LMTK2: variants seen among roughly 807,000 people sequenced by gnomAD.
LMTK2 encodes the protein serine/threonine-protein kinase LMTK2.
Under a neutral mutation model 127.5 loss-of-function variants are expected in LMTK2, and 37 were observed. That is an observed-to-expected ratio of 0.29 (90% CI 0.22 to 0.38). The LOEUF (loss-of-function observed/expected upper bound fraction) is 0.38, where lower values mean the gene tolerates loss of function less well. Ranked by LOEUF, LMTK2 falls within the 10% of genes least tolerant of loss-of-function variation. The probability of loss-of-function intolerance (pLI) is 1.00; values close to 1 mark genes in which losing one functional copy is unlikely to be tolerated. For synonymous variants in LMTK2, 819 were observed against 810.1 expected (o/e 1.01, Z -0.19); for missense variants, 1,694 against 1,920.3 (o/e 0.88, Z 2.20).
intron 9 of LMTK2, 70 bp from the exon 10 acceptor site, chr7:98,190,658 T>A: frequency 7.1e-7 from 1 of 1,408,460 alleles, no homozygotes; most frequent in South Asian, 1.2e-5. Context: ...ACTGGCTATG[T>A]AACAAGTATG....
intron 11 of LMTK2, among the ~76,000 whole-genome samples, chr7:98,196,727 C>T (rs1190786010): frequency 1.3e-5 from 2 of 152,112 alleles, no homozygotes; most frequent in East Asian, 3.9e-4. Context: ...GACAGAATTG[C>T]AAAAGATGAA....
Position 98,203,612 on chromosome 7 carries a change from G to C in LMTK2, c.4146G>C (p.Glu1382Asp). 1 of 1,609,158 alleles carries C rather than the reference G, an allele frequency of 6.2e-7. No homozygotes were observed. The highest frequency in any genetic ancestry group is 1.3e-5 in the African/African-American group (1 of 74,556). ...AAGAGCTGGGGCCCTGTGGAGGAGA[G>C]GCGTGCGGCCCGGACCTGAGCGGCC... ...PTKELGPCGG[E>D]ACGPDLSGPA... Residue 1382 changes from glutamate (E) to aspartate (D), a missense_variant, in exon 12 of 14, where the codon GAG becomes GAC. Glu to Asp is a conservative substitution (Grantham distance 45). Coordinates refer to ENST00000297293, the MANE Select transcript of LMTK2 (RefSeq NM_014916.4).
At chr7:98,172,979 A>C (rs900295881) in intron 7 of LMTK2, among the ~76,000 whole-genome samples, 1 of 152,146 alleles carries the variant, frequency 6.6e-6, no homozygotes, top group Non-Finnish European at 1.5e-5. Context: ...GCTGGTCTCA[A>C]ACTTCTGACC....
chr7:98,204,419 T>A (rs1023626767), intron 13 of LMTK2, among the ~76,000 whole-genome samples: 1 of 151,750 alleles, frequency 6.6e-6, no homozygotes, highest in Non-Finnish European at 1.5e-5. Context: ...CCTGGGAGTG[T>A]GAGACCAGCC....
At position 98,194,987 on chromosome 7, in the gene LMTK2, C is replaced by T. The variant is rs927766342; in HGVS notation, c.4107+415C>T. 2.0e-5 allele frequency among the ~76,000 whole-genome samples: 3 copies of T among 152,076 alleles called. No homozygotes were observed. Among genetic ancestry groups the T allele is most frequent in the African/African-American group, 4.8e-5 (2 of 41,402 alleles). ...GTGATCCTCCCACCTTCCATAATAG[C>T]TGGGCCCACAGGTTCATGCCACCAT... is the stretch of plus-strand genomic sequence containing the variant. On this transcript the variant is annotated intron_variant, in intron 11 of 13. Transcript: ENST00000297293. This position sits in a 1 kb window ranked among gnomAD's most constrained non-coding sequence, Gnocchi z 5.4.
At chr7:98,127,399 C>T (rs1796458647) in intron 1 of LMTK2, among the ~76,000 whole-genome samples, 1 of 152,206 alleles carries the variant, frequency 6.6e-6, no homozygotes, top group African/African-American at 2.4e-5. Context: ...TGGCCCTTAG[C>T]TTCCCTCAGT....
Position 98,207,865 on chromosome 7 carries a change from A to C in LMTK2, c.*2373A>C, listed in dbSNP as rs1320181591. 1 of 152,086 alleles carries C rather than the reference A, an allele frequency of 6.6e-6. No homozygotes were observed. Among genetic ancestry groups the C allele is most frequent in the East Asian group, 1.9e-4 (1 of 5,176 alleles). The allele number at this position is 152,086 out of a possible 1,614,324, so 9.4% of individuals were successfully genotyped here. A position where few individuals can be genotyped will look rare whatever the true frequency, so the allele number is the denominator to read the frequency against. ...CACATTGGGGGGTCGAGGCGGACGG[A>C]TCACTTTGAGCCCAGGAGTTCAAGA... is the stretch of plus-strand genomic sequence containing the variant. On this transcript the variant is annotated 3_prime_UTR_variant, in exon 14 of 14. Coordinates refer to ENST00000297293, the MANE Select transcript of LMTK2 (RefSeq NM_014916.4).
chr7:98,163,597 G>A (rs1163226363), intron 6 of LMTK2, among the ~76,000 whole-genome samples: 1 of 152,220 alleles, frequency 6.6e-6, no homozygotes, highest in Non-Finnish European at 1.5e-5. Context: ...TCTTGGCACT[G>A]AAGTCCAGCT....
intron 11 of LMTK2, among the ~76,000 whole-genome samples, chr7:98,197,527 G>A (rs1015049211): frequency 6.6e-6 from 1 of 152,166 alleles, no homozygotes; most frequent in African/African-American, 2.4e-5. Flanking sequence ...AGTGCGACAG[G>A]GTTCCCTCCA....
chr7:98,125,337 T>C (rs1796430000), intron 1 of LMTK2, among the ~76,000 whole-genome samples: 1 of 152,244 alleles, frequency 6.6e-6, no homozygotes, highest in Non-Finnish European at 1.5e-5. Flanking sequence ...TCCTTTGTTT[T>C]ATTTTTCCAT....
At chr7:98,169,046 A>G (rs113989017) in intron 6 of LMTK2, among the ~76,000 whole-genome samples, 2 of 152,174 alleles carry the variant, frequency 1.3e-5, no homozygotes, top group African/African-American at 2.4e-5. Flanking sequence ...CTTGCTTAAC[A>G]TAAACATTTT....
intron 1 of LMTK2, among the ~76,000 whole-genome samples, chr7:98,115,765 G>A (rs893771896): frequency 2.6e-5 from 4 of 152,206 alleles, no homozygotes; most frequent in African/African-American, 9.7e-5. Flanking sequence ...CCCAGGCCTA[G>A]TGACAGAGCA....
intron 1 of LMTK2, among the ~76,000 whole-genome samples, chr7:98,135,608 A>G (rs763801565): frequency 6.6e-6 from 1 of 152,138 alleles, no homozygotes; most frequent in Non-Finnish European, 1.5e-5. Context: ...AGGCATGCTC[A>G]CTGTGCCTGC....
At chr7:98,126,170 A>G (rs950527235) in intron 1 of LMTK2, among the ~76,000 whole-genome samples, 6 of 152,214 alleles carry the variant, frequency 3.9e-5, no homozygotes, top group African/African-American at 1.4e-4. Context: ...AGGAGCAGAC[A>G]TTTAGGCCAC....
chr7:98,192,715 G>A lies in LMTK2; in HGVS notation c.2250G>A (p.Lys750=). ...TAAATGATCTTCAGACAGAACTTAA[G>A]AATGCTGGTTTTACTGAAGCTATGT... ...EHINDLQTEL[K]NAGFTEAMLE... Residue 750 remains lysine (K), a synonymous_variant, in exon 11 of 14, where the codon AAG becomes AAA. Transcript: ENST00000297293. 6.2e-7 allele frequency: 1 copy of A among 1,612,294 alleles called. No homozygotes were observed. The highest frequency in any genetic ancestry group is 8.5e-7 in the Non-Finnish European group (1 of 1,179,356).
intron 2 of LMTK2, among the ~76,000 whole-genome samples, chr7:98,140,143 T>TTC (rs1562902714): frequency 5.5e-4 from 4 of 7,332 alleles, no homozygotes; most frequent in African/African-American, 1.4e-3. Flanking sequence ...TCTTTCTTTC[T>TTC]TTTCTTTTCT....
intron 1 of LMTK2, among the ~76,000 whole-genome samples, chr7:98,122,762 C>T (rs943754629): frequency 2.0e-5 from 3 of 149,660 alleles, no homozygotes; most frequent in Non-Finnish European, 4.4e-5. Flanking sequence ...GTCCCCTAGG[C>T]TGGGGTGTCC....
chr7:98,125,401 CCCTGTGT>C (rs1796430744), intron 1 of LMTK2, among the ~76,000 whole-genome samples: 1 of 152,158 alleles, frequency 6.6e-6, no homozygotes, highest in African/African-American at 2.4e-5. Flanking sequence ...TTATTGTCTG[CCCTGTGT>C]GCAGGGACTT....
rs1394599486 is a variant in LMTK2, at chr7:98,177,025, C to T, written c.791+5351C>T. ...CCAGCAGAGCTGGGATTCAAAGCTA[C>T]ACCGTCTGCCTCCAGATTTCACACT... On this transcript the variant is annotated intron_variant, in intron 7 of 13. Transcript: ENST00000297293. Among the ~76,000 whole-genome samples, 7 of 152,038 alleles carry T rather than the reference C, an allele frequency of 4.6e-5. No homozygotes were observed. In the East Asian group the frequency reaches 1.4e-3, roughly 29 times the overall value.
Sources: gnomAD v4.1 joint callset for allele counts (sites outside exome capture counted in the v4.1 genomes callset) on GRCh38, gnomAD v4.1.1 for gene constraint, Gnocchi (gnomAD v3.1) non-coding constraint, MANE v1.5 for transcripts, NCBI Gene and HGNC (gene_info 2026-07-23, HGNC 2026-07-21) for gene names.